The following SNCAIP variants were observed in gnomAD, a reference collection of about 807,000 sequenced individuals.
SNCAIP encodes the protein synphilin-1.
SNCAIP carries 43 observed loss-of-function variants against 86.7 expected under a neutral mutation model. The observed-to-expected ratio is 0.50, with a 90% confidence interval of 0.39 to 0.64. The LOEUF is 0.64. Among genes scored for constraint, SNCAIP ranks in the 30% least tolerant of loss-of-function variants. The probability of loss-of-function intolerance (pLI) is 0.00; values close to 1 mark genes in which losing one functional copy is unlikely to be tolerated. For missense variants in SNCAIP, 981 were observed against 1,103.1 expected (o/e 0.89, Z 1.57); for synonymous variants, 417 against 427.2 (o/e 0.98, Z 0.29).
rs1014348425 is a variant in SNCAIP, at chr5:122,427,873, C to G, written c.1182+2342C>G. On this transcript the variant is annotated intron_variant, in intron 5 of 10. Coordinates refer to ENST00000261368, the MANE Select transcript of SNCAIP (RefSeq NM_005460.4). ...AACGGGCTTTGAAGTCATATCAGGA[C>G]TTAAGAACATCTCCCTCACTATTAA... Among the ~76,000 whole-genome samples, 3 of 152,228 alleles carry G rather than the reference C, an allele frequency of 2.0e-5. No individual in the cohort carries two copies. In the East Asian group the frequency reaches 5.8e-4, roughly 29 times the overall value.
At chr5:122,416,748 A>G (rs981882157) in intron 3 of SNCAIP, among the ~76,000 whole-genome samples, 1 of 152,210 alleles carries the variant, frequency 6.6e-6, no homozygotes, top group East Asian at 1.9e-4. Context: ...CACCTTACAT[A>G]GGACTAACCA....
chr5:122,323,547 C>T (rs1753415058), intron 1 of SNCAIP, among the ~76,000 whole-genome samples: 1 of 152,162 alleles, frequency 6.6e-6, no homozygotes, highest in African/African-American at 2.4e-5. Flanking sequence ...CCAATGGAAG[C>T]ACAGGTGTGT....
chr5:122,329,895 C>T (rs1223769231), intron 1 of SNCAIP, among the ~76,000 whole-genome samples: 1 of 152,016 alleles, frequency 6.6e-6, no homozygotes, highest in Non-Finnish European at 1.5e-5. Flanking sequence ...TGGAGACTAA[C>T]GGTTAAAAGT....
At chr5:122,386,792 C>G (rs1415972177) in intron 1 of SNCAIP, among the ~76,000 whole-genome samples, 2 of 151,526 alleles carry the variant, frequency 1.3e-5, no homozygotes, top group Non-Finnish European at 2.9e-5. Context: ...TCAACTCACC[C>G]TCCCTGGCAT....
rs766782352 is a variant in SNCAIP at position 122,423,699 on chromosome 5, G to A, written c.962G>A (p.Ser321Asn). The A allele has an allele frequency of 1.2e-6, 2 of 1,604,852 alleles. No homozygotes were observed. The highest frequency in any genetic ancestry group is 1.7e-6 in the Non-Finnish European group (2 of 1,179,902). Residue 321 changes from serine (S) to asparagine (N), a missense_variant, in exon 4 of 11, where the codon AGC (serine) becomes AAC (asparagine). Transcript: ENST00000261368. ...ERSEYLKKVK[S>N]ILNIVKEGQI... ...AGTGAGTATCTGAAAAAAGTGAAAA[G>A]CATCTTGAACATTGTTAAAGAAGGA...
chr5:122,335,882 GCCATC>G (rs931942398), intron 1 of SNCAIP, among the ~76,000 whole-genome samples: 3 of 152,170 alleles, frequency 2.0e-5, no homozygotes, highest in African/African-American at 7.2e-5. Context: ...AAAGCCAAGG[GCCATC>G]AGGCAACATC....
chr5:122,403,912 A>T, intron 3 of SNCAIP, 47 bp downstream of exon 3: 1 of 1,436,334 alleles, frequency 7.0e-7, no homozygotes, highest in African/African-American at 1.4e-5. Context: ...CTCAGTGTTA[A>T]TGGCTCCTGG....
intron 1 of SNCAIP, among the ~76,000 whole-genome samples, chr5:122,329,172 T>C (rs1327857744): frequency 6.6e-6 from 1 of 152,128 alleles, no homozygotes; most frequent in Non-Finnish European, 1.5e-5. Context: ...TGAGCACTTA[T>C]TGTATACCAG....
chr5:122,360,222 A>G lies in SNCAIP; in HGVS notation c.-46-30867A>G, dbSNP rs372732843. Among the ~76,000 whole-genome samples the G allele has an allele frequency of 5.9e-5, 9 of 152,298 alleles. No homozygotes were observed. In the East Asian group the frequency reaches 1.3e-3, roughly 23 times the overall value. ...GGAACATGGCCAGCCTTTTTGCTCT[A>G]AAGATTATCCCACAACAAGCAAATA... On this transcript the variant is annotated intron_variant, in intron 1 of 10. Transcript: ENST00000261368.
rs751480707 is a variant in SNCAIP, at chr5:122,423,102, C to T, written c.365C>T (p.Pro122Leu). The change falls in exon 4 of 11, where the codon CCT becomes CTT. Residue 122 changes from proline (P) to leucine (L), a missense_variant. Physicochemically the swap from Pro to Leu is moderately conservative, Grantham distance 98 (BLOSUM62 -3). Transcript: ENST00000261368. ...DLGPQPQELG[P>L]GDGVGGPPGK... ...GGCCCCCAGCCTCAGGAGCTTGGCCCTGGAGATGGAGTGGGCGGCCCACCA... is the reference window on the plus strand; with the variant it reads ...GGCCCCCAGCCTCAGGAGCTTGGCCTTGGAGATGGAGTGGGCGGCCCACCA... 5 of 1,614,130 alleles carry T rather than the reference C, an allele frequency of 3.1e-6. No homozygotes were observed. The South Asian group carries it at 3.3e-5, about 11-fold the overall frequency.
chr5:122,312,866 G>A (rs1356890597), intron 1 of SNCAIP: 4 of 152,324 alleles, frequency 2.6e-5, no homozygotes, highest in African/African-American at 9.6e-5. Context: ...GGATTTCAGA[G>A]GGGAATGTTT....
rs1365982264 is a variant in SNCAIP at position 122,448,738 on chromosome 5, T to TAC, written c.1593-1106_1593-1105insCA. Among the ~76,000 whole-genome samples, 254 of 142,054 alleles carry TAC rather than the reference T, an allele frequency of 1.8e-3. 5 individuals carry two copies. In the East Asian group the frequency reaches 0.036, roughly 20 times the overall value. 93.2% of individuals were successfully genotyped at this position (142,054 alleles called of 152,430 possible). ...ATAATATATATGTTTTATATATATA[T>TAC]ATACACACACACACATACATGTGGG... On this transcript the variant is annotated intron_variant, in intron 8 of 10. Coordinates refer to ENST00000261368, the MANE Select transcript of SNCAIP (RefSeq NM_005460.4).
chr5:122,327,268 T>C (rs1208553099), intron 1 of SNCAIP, among the ~76,000 whole-genome samples: 6 of 152,024 alleles, frequency 3.9e-5, no homozygotes, highest in African/African-American at 1.4e-4. Context: ...ACTGGAAATA[T>C]CACGTTATAC....
At chr5:122,392,883 G>A (rs996047150) in intron 2 of SNCAIP, among the ~76,000 whole-genome samples, 1 of 152,142 alleles carries the variant, frequency 6.6e-6, no homozygotes, top group Non-Finnish European at 1.5e-5. Context: ...GACCAATGGT[G>A]AAGAAAGAAC....
rs545154740 is a variant in SNCAIP, at chr5:122,397,735, T to C, written c.58-6058T>C. The stretch of plus-strand genomic sequence containing the variant: ...GAAATTGGGGGTATAGTTAAGGTCA[T>C]CTGTGAAAACATGGAATGTGGAAAG... On this transcript the variant is annotated intron_variant, in intron 2 of 10. Transcript: ENST00000261368. 2.6e-5 allele frequency among the ~76,000 whole-genome samples: 4 copies of C among 152,218 alleles called. No individual in the cohort carries two copies. The South Asian group carries it at 8.3e-4, about 32-fold the overall frequency.
At chr5:122,454,247 CT>C (rs1784272445) in intron 10 of SNCAIP, 2 of 152,474 alleles carry the variant, frequency 1.3e-5, no homozygotes, top group South Asian at 4.1e-4. Context: ...AGTCACTCTG[CT>C]TTTTTCTTCC....
chr5:122,389,525 A>G (rs867170208), intron 1 of SNCAIP: 3 of 152,362 alleles, frequency 2.0e-5, no homozygotes, highest in African/African-American at 7.2e-5. Flanking sequence ...CAGAGTACAT[A>G]TATTTTCCTC....
At chr5:122,387,431 T>C (rs936531780) in intron 1 of SNCAIP, among the ~76,000 whole-genome samples, 3 of 152,152 alleles carry the variant, frequency 2.0e-5, no homozygotes, top group Admixed American at 1.3e-4. Context: ...GGATTACAGG[T>C]GTGAGTCACC....
intron 3 of SNCAIP, among the ~76,000 whole-genome samples, chr5:122,418,669 T>C (rs1399887624): frequency 6.6e-6 from 1 of 152,218 alleles, no homozygotes; most frequent in Non-Finnish European, 1.5e-5. Context: ...AGTCTCCTTA[T>C]ATTAATTAGT....
Sources: allele counts gnomAD v4.1 joint callset (sites outside exome capture counted in the v4.1 genomes callset), GRCh38; gene constraint gnomAD v4.1.1; transcripts MANE v1.5; gene names NCBI Gene and HGNC (gene_info 2026-07-23, HGNC 2026-07-21).